The following FGGY variants were observed in gnomAD, a reference collection of about 807,000 sequenced individuals.
FGGY encodes the protein FGGY carbohydrate kinase domain containing, also known as FGGY carbohydrate kinase domain-containing protein.
Under a neutral mutation model 71.3 loss-of-function variants are expected in FGGY, and 72 were observed. The observed-to-expected ratio is 1.01, with a 90% CI of 0.84 to 1.23. The LOEUF is 1.23. Among genes scored for constraint, FGGY ranks in the 50% most tolerant of loss-of-function variants. FGGY has a pLI of 0.00. For synonymous variants in FGGY, 251 were observed against 250.3 expected, an observed-to-expected ratio of 1.00 and a Z score of -0.02; for missense variants, 668 against 682.3, an observed-to-expected ratio of 0.98 and a Z score of 0.23.
chr1:59,459,550 A>G (rs2091997732), intron 6 of FGGY, among the ~76,000 whole-genome samples: 1 of 152,240 alleles, frequency 6.6e-6, no homozygotes, highest in African/African-American at 2.4e-5. Context: ...AGGAGATTAT[A>G]TAGCCCTACT....
chr1:59,434,784 GC>G (rs11383080), intron 5 of FGGY, among the ~76,000 whole-genome samples: 7 of 151,558 alleles, frequency 4.6e-5, no homozygotes, highest in Non-Finnish European at 1.0e-4. Flanking sequence ...ACCTCCCAAA[GC>G]CCCCCCCACC....
intron 5 of FGGY, among the ~76,000 whole-genome samples, chr1:59,446,207 G>A (rs879311801): frequency 2.6e-5 from 4 of 152,074 alleles, no homozygotes; most frequent in Admixed American, 2.0e-4. Context: ...GCTTCATCAC[G>A]ATCTTGGAAT....
At chr1:59,743,645 T>C (rs2098168977) in intron 14 of FGGY, among the ~76,000 whole-genome samples, 1 of 151,694 alleles carries the variant, frequency 6.6e-6, no homozygotes, top group African/African-American at 2.4e-5. Flanking sequence ...ATCTATAATA[T>C]GGTAACCAGA....
chr1:59,326,102 G>T (rs758349894), intron 2 of FGGY, among the ~76,000 whole-genome samples: 20 of 152,220 alleles, frequency 1.3e-4, no homozygotes, highest in Non-Finnish European at 2.6e-4. Flanking sequence ...GAGAAGATAA[G>T]CTGGAGGAAT....
At chr1:59,392,711 C>A (rs2153382700) in intron 5 of FGGY, among the ~76,000 whole-genome samples, 1 of 151,940 alleles carries the variant, frequency 6.6e-6, no homozygotes, top group African/African-American at 2.4e-5. Flanking sequence ...TATTTTGTTT[C>A]TTTTTCGAAA....
At chr1:59,615,247 C>CTA (rs927647380) in intron 9 of FGGY, among the ~76,000 whole-genome samples, 11 of 152,202 alleles carry the variant, frequency 7.2e-5, no homozygotes, top group African/African-American at 2.7e-4. Flanking sequence ...TGACTTCAAA[C>CTA]TATACTACAA....
chr1:59,312,721 G>T (rs1338002400), intron 1 of FGGY, among the ~76,000 whole-genome samples: 7 of 152,126 alleles, frequency 4.6e-5, no homozygotes. Context: ...GCCAAGTTTG[G>T]GTTTTATGTT....
intron 7 of FGGY, among the ~76,000 whole-genome samples, chr1:59,516,202 A>G (rs1169463387): frequency 6.6e-6 from 1 of 152,156 alleles, no homozygotes; most frequent in Non-Finnish European, 1.5e-5. Flanking sequence ...TTTCATTTCT[A>G]CCTTTCCTAT....
chr1:59,554,773 T>C (rs1317153901), intron 8 of FGGY, among the ~76,000 whole-genome samples: 1 of 152,218 alleles, frequency 6.6e-6, no homozygotes, highest in Non-Finnish European at 1.5e-5. Flanking sequence ...GCAGTTAAAA[T>C]TTAGTGCCTG....
At chr1:59,557,198 C>T (rs10493266) in intron 8 of FGGY, among the ~76,000 whole-genome samples, 3,361 of 152,114 alleles carry the variant, frequency 0.022, 126 homozygotes, top group African/African-American at 0.077. Flanking sequence ...CAAATAAAAC[C>T]GCCACTGTGA....
chr1:59,432,050 C>T (rs376465441), intron 5 of FGGY, among the ~76,000 whole-genome samples: 10 of 152,118 alleles, frequency 6.6e-5, no homozygotes, highest in African/African-American at 2.4e-4. Context: ...CCACCCAATC[C>T]ACCAGGAGGG....
rs140522605 is a variant in FGGY, at chr1:59,383,784, C to T, written c.554+4947C>T. 5.3e-5 allele frequency among the ~76,000 whole-genome samples: 8 copies of T among 152,258 alleles called. No individual in the cohort carries two copies. In the East Asian group the frequency reaches 1.2e-3, roughly 22 times the overall value. The stretch of plus-strand genomic sequence containing the variant: ...ATCAGAAAATTTTTAAATCTACCTA[C>T]GATCTGGAAGCCCCTGCTTTGAGTT... On this transcript the variant is annotated intron_variant, in intron 5 of 15. Coordinates refer to ENST00000303721, the MANE Select transcript of FGGY (RefSeq NM_018291.5).
chr1:59,643,082 C>A (rs1268406076), intron 11 of FGGY, among the ~76,000 whole-genome samples: 1 of 150,462 alleles, frequency 6.6e-6, no homozygotes, highest in Non-Finnish European at 1.5e-5. Flanking sequence ...GAAAAAAATA[C>A]CATTGTGAAC....
chr1:59,564,188 A>G (rs535377618), intron 8 of FGGY, among the ~76,000 whole-genome samples: 76 of 152,320 alleles, frequency 5.0e-4, no homozygotes, highest in African/African-American at 1.8e-3. Context: ...AAATAGACAA[A>G]TGGGATCTAA....
intron 8 of FGGY, among the ~76,000 whole-genome samples, chr1:59,588,358 G>T (rs1384476066): frequency 6.6e-6 from 1 of 152,002 alleles, no homozygotes; most frequent in Non-Finnish European, 1.5e-5. Context: ...GAACCAAGTT[G>T]AAAAACACTC....
At chr1:59,568,019 C>T (rs2095905322) in intron 8 of FGGY, among the ~76,000 whole-genome samples, 1 of 151,958 alleles carries the variant, frequency 6.6e-6, no homozygotes, top group Admixed American at 6.6e-5. Flanking sequence ...GATGTTTGAG[C>T]ATAGAGAATG....
chr1:59,722,258 A>G (rs550798162), intron 14 of FGGY, among the ~76,000 whole-genome samples: 1 of 152,158 alleles, frequency 6.6e-6, no homozygotes, highest in East Asian at 1.9e-4. Flanking sequence ...TATCAAGGAT[A>G]CTTACTATCA....
intron 2 of FGGY, among the ~76,000 whole-genome samples, chr1:59,328,331 T>C (rs896448744): frequency 6.6e-6 from 1 of 152,260 alleles, no homozygotes; most frequent in African/African-American, 2.4e-5. Flanking sequence ...TTTTATATTA[T>C]GGAAATGGCT....
At chr1:59,361,759 C>A (rs555251436) in intron 4 of FGGY, among the ~76,000 whole-genome samples, 85 of 152,284 alleles carry the variant, frequency 5.6e-4, no homozygotes, top group African/African-American at 2.0e-3. Context: ...CCTGAGAACT[C>A]CGGAGAAGAT....
Sources: allele counts gnomAD v4.1 joint callset (sites outside exome capture counted in the v4.1 genomes callset), GRCh38; gene constraint gnomAD v4.1.1; transcripts MANE v1.5; gene names NCBI Gene and HGNC (gene_info 2026-07-23, HGNC 2026-07-21).